GRIA3: variants seen among roughly 807,000 people sequenced by gnomAD.
The protein encoded by GRIA3 is glutamate ionotropic receptor AMPA type subunit 3, also known as glutamate receptor 3.
GRIA3 carries 3 observed loss-of-function variants against 63.0 expected under a neutral mutation model. The observed-to-expected ratio is 0.05, with a 90% confidence interval of 0.02 to 0.12. The LOEUF (loss-of-function observed/expected upper bound fraction) is 0.12. GRIA3 is among the 10% of genes least tolerant of loss of function. The pLI is 1.00. For missense variants in GRIA3, 347 were observed against 700.9 expected (o/e 0.50, Z 5.70); for synonymous variants, 274 against 257.9 (o/e 1.06, Z -0.60).
chrX:123,449,323 T>C (rs2045718511), intron 12 of GRIA3, among the ~76,000 whole-genome samples: 1 of 112,531 alleles, frequency 8.9e-6, no homozygotes, highest in Non-Finnish European at 1.9e-5. Flanking sequence ...ACTACTTCTC[T>C]AATGAAATAG....
intron 2 of GRIA3, among the ~76,000 whole-genome samples, chrX:123,191,651 C>T (rs1927438163): frequency 9.0e-6 from 1 of 111,038 alleles, no homozygotes; most frequent in African/African-American, 3.3e-5. Flanking sequence ...CTGATTCTAG[C>T]ATCCCATCCA....
At chrX:123,253,788 C>A in intron 3 of GRIA3, 8 of 344,102 alleles carry the variant, frequency 2.3e-5, no homozygotes, top group East Asian at 5.0e-5. Context: ...ATTGAGTCAC[C>A]ATAGTTGAAA....
chrX:123,455,500 A>AT (rs1184617650), intron 12 of GRIA3, among the ~76,000 whole-genome samples: 2 of 112,083 alleles, frequency 1.8e-5, no homozygotes, highest in African/African-American at 6.5e-5. Flanking sequence ...TCTTCAAAAC[A>AT]TAAGTGGAAG....
At position 123,378,260 on chromosome X, in the gene GRIA3, T is replaced by G. The variant is rs190023865; in HGVS notation, c.751-16708T>G. On this transcript the variant is annotated intron_variant, in intron 5 of 15. Transcript: ENST00000620443. ...CAGATGCCAGCTGACTTCTACCATTTATTTAACACCTCTCTCCTAGCTTCC... is the reference window on the plus strand; with the variant it reads ...CAGATGCCAGCTGACTTCTACCATTGATTTAACACCTCTCTCCTAGCTTCC... Among the ~76,000 whole-genome samples the G allele has an allele frequency of 3.8e-4, 42 of 111,894 alleles. 1 individual carries two copies. The East Asian group carries it at 8.2e-3, about 22-fold the overall frequency.
At chrX:123,452,774 C>T (rs1374868283) in intron 12 of GRIA3, among the ~76,000 whole-genome samples, 2 of 111,859 alleles carry the variant, frequency 1.8e-5, no homozygotes, top group Admixed American at 9.5e-5. Context: ...GGGAAGTGAC[C>T]TTGGAGTGTT....
intron 3 of GRIA3, among the ~76,000 whole-genome samples, chrX:123,255,544 A>G (rs2044415038): frequency 9.4e-6 from 1 of 106,231 alleles, no homozygotes; most frequent in South Asian, 4.4e-4. Flanking sequence ...CCAACAGTGT[A>G]CCTCTCATTT....
chrX:123,377,962 A>C (rs1324388444), intron 5 of GRIA3, among the ~76,000 whole-genome samples: 4 of 112,325 alleles, frequency 3.6e-5, no homozygotes, highest in Non-Finnish European at 5.6e-5. Context: ...AAGTTCCAGA[A>C]ATCATACACC....
chrX:123,249,384 T>C (rs2044376871), intron 2 of GRIA3, among the ~76,000 whole-genome samples: 1 of 112,012 alleles, frequency 8.9e-6, no homozygotes, highest in Non-Finnish European at 1.9e-5. Flanking sequence ...ATCATAGACA[T>C]TGTGGGTGGG....
At chrX:123,316,513 T>C (rs780144208) in intron 3 of GRIA3, among the ~76,000 whole-genome samples, 1 of 112,091 alleles carries the variant, frequency 8.9e-6, no homozygotes, top group Non-Finnish European at 1.9e-5. Flanking sequence ...CGTAAATGTT[T>C]GGCCCAGTAT....
At chrX:123,192,135 C>A (rs1369461363) in intron 2 of GRIA3, among the ~76,000 whole-genome samples, 1 of 111,458 alleles carries the variant, frequency 9.0e-6, no homozygotes, top group African/African-American at 3.3e-5. Flanking sequence ...CATGTTGAAT[C>A]TAAAAGCCTT....
intron 3 of GRIA3, among the ~76,000 whole-genome samples, chrX:123,258,264 G>A (rs934276179): frequency 2.7e-5 from 3 of 112,538 alleles, no homozygotes; most frequent in African/African-American, 9.7e-5. Flanking sequence ...CAGCTCAGCT[G>A]ACCAATTTAT....
intron 3 of GRIA3, among the ~76,000 whole-genome samples, chrX:123,307,574 T>C (rs1015388836): frequency 2.1e-4 from 24 of 111,979 alleles, no homozygotes; most frequent in Non-Finnish European, 4.3e-4. Context: ...AATTCTACAG[T>C]TCTTCCTCTG....
At chrX:123,383,312 A>G in intron 5 of GRIA3, among the ~76,000 whole-genome samples, 1 of 111,378 alleles carries the variant, frequency 9.0e-6, no homozygotes, top group Middle Eastern at 4.6e-3. Context: ...TCTGGCTACC[A>G]TGAAATACAC....
At chrX:123,207,132 G>A (rs749348031) in intron 2 of GRIA3, among the ~76,000 whole-genome samples, 1 of 101,606 alleles carries the variant, frequency 9.8e-6, no homozygotes, top group South Asian at 4.8e-4. Flanking sequence ...TAACAGACAT[G>A]GTGGAGGAAA....
chrX:123,417,999 T>G, intron 11 of GRIA3: 1 of 401,355 alleles, frequency 2.5e-6, no homozygotes, highest in Non-Finnish European at 4.3e-6. Context: ...GTATTGTATA[T>G]ACATTAAAAC....
intron 4 of GRIA3, among the ~76,000 whole-genome samples, chrX:123,353,360 G>C (rs749050059): frequency 1.7e-3 from 189 of 112,051 alleles, no homozygotes; most frequent in Non-Finnish European, 2.8e-3. Flanking sequence ...CCGCTTCCTA[G>C]CTGTGTGGCC....
chrX:123,456,849 C>T (rs1442176846), intron 12 of GRIA3, among the ~76,000 whole-genome samples: 2 of 111,542 alleles, frequency 1.8e-5, no homozygotes, highest in Non-Finnish European at 3.8e-5. Flanking sequence ...ACACAGGGGT[C>T]CTGTAAGTGT....
At chrX:123,410,472 C>A (rs1405136027) in intron 10 of GRIA3, among the ~76,000 whole-genome samples, 2 of 111,912 alleles carry the variant, frequency 1.8e-5, no homozygotes, top group Non-Finnish European at 3.8e-5. Flanking sequence ...TCCCCAGACT[C>A]CTTCACGCTC....
intron 12 of GRIA3, among the ~76,000 whole-genome samples, chrX:123,448,483 A>G (rs890190284): frequency 3.8e-4 from 42 of 111,936 alleles, no homozygotes; most frequent in African/African-American, 1.3e-3. Context: ...GAAAAATATT[A>G]TAAAATAGGG....
Sources: allele counts gnomAD v4.1 joint callset (sites outside exome capture counted in the v4.1 genomes callset), GRCh38; gene constraint gnomAD v4.1.1; transcripts MANE v1.5; gene names NCBI Gene and HGNC (gene_info 2026-07-23, HGNC 2026-07-21).